FMN2: variants seen among roughly 807,000 people sequenced by gnomAD.
FMN2 encodes formin 2.
A neutral mutation model predicts 142.3 loss-of-function variants in FMN2; 51 were observed. That is an observed-to-expected ratio of 0.36 (90% CI 0.29 to 0.45). The LOEUF is 0.45. FMN2 is among the 20% of genes least tolerant of loss of function. FMN2 has a pLI of 1.00. For missense variants in FMN2, 1,936 were observed against 2,122.8 expected (o/e 0.91, Z 1.73); for synonymous variants, 882 against 869.8 (o/e 1.01, Z -0.25).
At chr1:240,308,801 C>T (rs781279962) in intron 8 of FMN2, among the ~76,000 whole-genome samples, 251 of 152,124 alleles carry the variant, frequency 1.6e-3, no homozygotes, top group Admixed American at 3.4e-3. Flanking sequence ...AATTTGCCAG[C>T]GGGCTGGGTA....
intron 8 of FMN2, among the ~76,000 whole-genome samples, chr1:240,326,232 CA>C (rs927863146): frequency 1.3e-5 from 2 of 152,150 alleles, no homozygotes; most frequent in Admixed American, 1.3e-4. Flanking sequence ...TTGTGGATAA[CA>C]AGAAAGGAGT....
At chr1:240,352,103 C>T (rs143910329) in intron 13 of FMN2, among the ~76,000 whole-genome samples, 67 of 152,144 alleles carry the variant, frequency 4.4e-4, no homozygotes, top group African/African-American at 1.4e-3. Context: ...TGCTAGCCTA[C>T]GTTATTAAAC....
At chr1:240,268,993 C>T (rs1161014717) in intron 7 of FMN2, among the ~76,000 whole-genome samples, 1 of 151,896 alleles carries the variant, frequency 6.6e-6, no homozygotes, top group Non-Finnish European at 1.5e-5. Context: ...TATTTTCTCC[C>T]AATTTGTGGT....
chr1:240,244,957 G>A (rs1668030475), intron 6 of FMN2, among the ~76,000 whole-genome samples: 1 of 152,198 alleles, frequency 6.6e-6, no homozygotes, highest in Non-Finnish European at 1.5e-5. Context: ...TCATTGTGCT[G>A]AGTACTACAG....
chr1:240,335,549 A>G (rs983434415), intron 13 of FMN2, among the ~76,000 whole-genome samples: 1 of 152,154 alleles, frequency 6.6e-6, no homozygotes, highest in Admixed American at 6.5e-5. Flanking sequence ...AGGCATTTCT[A>G]GGGGATCTGG....
At chr1:240,436,675 T>C (rs1572310333) in intron 15 of FMN2, among the ~76,000 whole-genome samples, 1 of 31,374 alleles carries the variant, frequency 3.2e-5, no homozygotes, top group African/African-American at 1.9e-4. Context: ...AGACTCCGTC[T>C]CAAAAAAAAA....
intron 15 of FMN2, among the ~76,000 whole-genome samples, chr1:240,406,812 T>G (rs1375156989): frequency 1.3e-5 from 2 of 152,116 alleles, no homozygotes. Flanking sequence ...TTTTCTAAAA[T>G]CAATGTAAGG....
chr1:240,230,501 G>T lies in FMN2; in HGVS notation c.4065+19266G>T, dbSNP rs1346135666. ...TCTCAGAGAGCCATAAAAAAATTTT[G>T]TTTTGAGGTGTGTATTAGTAGGAAT... On this transcript the variant is annotated intron_variant, in intron 6 of 17. Transcript: ENST00000319653. Among the ~76,000 whole-genome samples the T allele has an allele frequency of 3.8e-5, 5 of 132,014 alleles. 2 individuals carry two copies. The highest frequency in any genetic ancestry group is 1.6e-4 in the African/African-American group (5 of 30,980). 86.6% of individuals were successfully genotyped at this position (132,014 alleles called of 152,430 possible). A position where few individuals can be genotyped will look rare whatever the true frequency, so the allele number is the denominator to read the frequency against.
At chr1:240,419,272 G>A (rs970344798) in intron 15 of FMN2, among the ~76,000 whole-genome samples, 3 of 152,048 alleles carry the variant, frequency 2.0e-5, no homozygotes, top group African/African-American at 7.2e-5. Flanking sequence ...CTTGTTTTCA[G>A]TGCTATCTCT....
intron 2 of FMN2, among the ~76,000 whole-genome samples, chr1:240,155,205 C>G (rs998981217): frequency 6.6e-6 from 1 of 151,956 alleles, no homozygotes; most frequent in South Asian, 2.1e-4. Context: ...TCTTTGCTTT[C>G]GATGAAGATG....
intron 2 of FMN2, among the ~76,000 whole-genome samples, chr1:240,152,451 A>T (rs555369270): frequency 3.0e-4 from 45 of 152,154 alleles, no homozygotes; most frequent in African/African-American, 1.0e-3. Flanking sequence ...AGCCAGGAGG[A>T]GGATGTGTGT....
At chr1:240,271,629 T>C (rs966882510) in intron 7 of FMN2, among the ~76,000 whole-genome samples, 1 of 152,050 alleles carries the variant, frequency 6.6e-6, no homozygotes, top group Non-Finnish European at 1.5e-5. Flanking sequence ...TGTAAAGTCA[T>C]TGAGAATTAG....
chr1:240,460,718 GA>G (rs1480784647), intron 16 of FMN2, among the ~76,000 whole-genome samples: 1 of 128,006 alleles, frequency 7.8e-6, no homozygotes, highest in East Asian at 2.0e-4. Flanking sequence ...ATATAAGCAA[GA>G]AAGTAAAATA....
chr1:240,460,598 C>T (rs544570651), intron 16 of FMN2, among the ~76,000 whole-genome samples: 58 of 151,018 alleles, frequency 3.8e-4, no homozygotes, highest in Non-Finnish European at 6.8e-4. Flanking sequence ...AAGACTCGAA[C>T]GATTGTAAGT....
intron 2 of FMN2, among the ~76,000 whole-genome samples, chr1:240,132,103 C>CT (rs2103234938): frequency 1.3e-5 from 2 of 152,232 alleles, no homozygotes; most frequent in East Asian, 3.9e-4. Flanking sequence ...TAGATGATTT[C>CT]TTTGAGTTTC....
At chr1:240,330,437 A>C (rs2103014827) in intron 10 of FMN2, among the ~76,000 whole-genome samples, 166 bp from the exon 11 acceptor site, 1 of 152,304 alleles carries the variant, frequency 6.6e-6, no homozygotes, top group East Asian at 1.9e-4. Context: ...ACTTTTACTA[A>C]CTTTCAGGAT....
At chr1:240,362,899 CG>C (rs1290085661) in intron 14 of FMN2, among the ~76,000 whole-genome samples, 31 of 152,256 alleles carry the variant, frequency 2.0e-4, no homozygotes, top group African/African-American at 6.0e-4. Context: ...TACTTCTACC[CG>C]CCTCCCCGCT....
intron 6 of FMN2, among the ~76,000 whole-genome samples, chr1:240,213,674 C>T (rs1275896579): frequency 6.6e-6 from 1 of 152,132 alleles, no homozygotes; most frequent in Non-Finnish European, 1.5e-5. Context: ...CCTTTAATGC[C>T]GTGGCATATG....
chr1:240,239,111 G>T (rs1204638552), intron 6 of FMN2, among the ~76,000 whole-genome samples: 3 of 152,094 alleles, frequency 2.0e-5, no homozygotes, highest in Non-Finnish European at 4.4e-5. Flanking sequence ...CTTTACTATA[G>T]AATAACAATA....
Sources: gnomAD v4.1 joint callset for allele counts (sites outside exome capture counted in the v4.1 genomes callset) on GRCh38, gnomAD v4.1.1 for gene constraint, MANE v1.5 for transcripts, NCBI Gene and HGNC (gene_info 2026-07-23, HGNC 2026-07-21) for gene names.